The following ENOX1 variants were observed in gnomAD, a reference collection of about 807,000 sequenced individuals.
ENOX1 encodes the protein candidate growth-related and time keeping constitutive hydroquinone (NADH) oxidase.
In ENOX1, 42 loss-of-function variants were observed where a neutral mutation model predicts 82.5. The ratio of observed to expected loss-of-function variants is 0.51; its 90% CI spans 0.40 to 0.66. ENOX1 has a LOEUF of 0.66. ENOX1 is among the 30% of genes least tolerant of loss of function. The pLI is 0.00. For missense variants in ENOX1, 608 were observed against 811.6 expected, an observed-to-expected ratio of 0.75 and a Z score of 3.05; for synonymous variants, 271 against 282.2, an observed-to-expected ratio of 0.96 and a Z score of 0.40.
chr13:43,532,869 A>C (rs2078289874), intron 2 of ENOX1, among the ~76,000 whole-genome samples: 1 of 150,842 alleles, frequency 6.6e-6, no homozygotes, highest in African/African-American at 2.4e-5. Context: ...TTAAATGTGT[A>C]AATATATATA....
At chr13:43,612,891 TAC>T (rs1242469773) in intron 2 of ENOX1, among the ~76,000 whole-genome samples, 1 of 152,170 alleles carries the variant, frequency 6.6e-6, no homozygotes. Context: ...ATGTATTTGA[TAC>T]ACAGTTGCAA....
chr13:43,297,511 T>C (rs1299721305), intron 12 of ENOX1, among the ~76,000 whole-genome samples: 5 of 152,236 alleles, frequency 3.3e-5, no homozygotes, highest in Admixed American at 2.6e-4. Flanking sequence ...TGCTCTGTTA[T>C]TCTAAGGTAA....
chr13:43,617,069 T>C (rs969549868), intron 2 of ENOX1, among the ~76,000 whole-genome samples: 2 of 152,178 alleles, frequency 1.3e-5, no homozygotes, highest in Admixed American at 6.6e-5. Context: ...TATGAACATA[T>C]ACATAACTGT....
At chr13:43,450,967 A>G (rs1033308075) in intron 3 of ENOX1, among the ~76,000 whole-genome samples, 1 of 152,188 alleles carries the variant, frequency 6.6e-6, no homozygotes, top group African/African-American at 2.4e-5. Flanking sequence ...AGCTTCTGAA[A>G]CTTCACTGTC....
chr13:43,277,006 GC>G (rs911658989), intron 12 of ENOX1, among the ~76,000 whole-genome samples: 2 of 152,128 alleles, frequency 1.3e-5, no homozygotes, highest in South Asian at 2.1e-4. Context: ...TAACCCTGGT[GC>G]CCCCCTCCCT....
intron 2 of ENOX1, among the ~76,000 whole-genome samples, chr13:43,537,020 T>C (rs1302906223): frequency 2.6e-5 from 4 of 152,148 alleles, no homozygotes; most frequent in African/African-American, 9.7e-5. Context: ...AAAAATGAAG[T>C]AATGGTGAAA....
chr13:43,539,920 A>AT lies in ENOX1; in HGVS notation c.-218-55769dup, dbSNP rs971410852. On this transcript the variant is annotated intron_variant, in intron 2 of 16. Transcript: ENST00000690772. ...TAAAATATCCTCTTTGTATCTAGTA[A>AT]TTTTTTTTTATTTAAGGTCTTATTA... Among the ~76,000 whole-genome samples the AT allele has an allele frequency of 3.2e-3, 479 of 151,670 alleles. 1 individual carries two copies. Among genetic ancestry groups the AT allele is most frequent in the African/African-American group, 0.01 (424 of 41,352 alleles).
chr13:43,238,093 G>A (rs2042637710), intron 14 of ENOX1, among the ~76,000 whole-genome samples: 1 of 152,218 alleles, frequency 6.6e-6, no homozygotes, highest in African/African-American at 2.4e-5. Flanking sequence ...GAAGAACTTG[G>A]TTGGCTAGAG....
At chr13:43,649,373 C>A (rs1027412) in intron 2 of ENOX1, among the ~76,000 whole-genome samples, 1 of 152,214 alleles carries the variant, frequency 6.6e-6, no homozygotes, top group African/African-American at 2.4e-5. Context: ...GTTTGTTCTA[C>A]AGATGCCTTA....
At chr13:43,398,246 T>A (rs991229772) in intron 5 of ENOX1, among the ~76,000 whole-genome samples, 2 of 152,246 alleles carry the variant, frequency 1.3e-5, no homozygotes, top group African/African-American at 4.8e-5. Context: ...TTAGGTACTT[T>A]ACAGCTCAGC....
chr13:43,704,524 A>C (rs1425725795), intron 1 of ENOX1, among the ~76,000 whole-genome samples: 1 of 152,162 alleles, frequency 6.6e-6, no homozygotes, highest in Non-Finnish European at 1.5e-5. Flanking sequence ...CCTTAGGACA[A>C]GATAGGTGGA....
intron 2 of ENOX1, among the ~76,000 whole-genome samples, chr13:43,573,097 T>C (rs1366936709): frequency 6.6e-6 from 1 of 152,212 alleles, no homozygotes; most frequent in Non-Finnish European, 1.5e-5. Context: ...CATTAACTGC[T>C]ACTAGTGTTC....
chr13:43,735,491 G>A (rs759805714), intron 1 of ENOX1, among the ~76,000 whole-genome samples: 11 of 152,088 alleles, frequency 7.2e-5, no homozygotes, highest in Non-Finnish European at 1.2e-4. Flanking sequence ...AGGCCGAGGC[G>A]GGTGGATTGC....
intron 3 of ENOX1, among the ~76,000 whole-genome samples, chr13:43,456,968 T>A (rs1279798981): frequency 2.3e-5 from 2 of 85,466 alleles, no homozygotes; most frequent in African/African-American, 8.6e-5. Context: ...ATATCTCACA[T>A]TCAGTAGCCT....
At chr13:43,348,562 A>G (rs1210728650) in intron 8 of ENOX1, among the ~76,000 whole-genome samples, 1 of 152,236 alleles carries the variant, frequency 6.6e-6, no homozygotes, top group African/African-American at 2.4e-5. Flanking sequence ...TACATTTTAA[A>G]TTGCACACTG....
At chr13:43,226,466 A>G (rs1178544176) in intron 15 of ENOX1, among the ~76,000 whole-genome samples, 9 of 152,342 alleles carry the variant, frequency 5.9e-5, no homozygotes, top group Middle Eastern at 3.4e-3. Context: ...TCTGAAGTAT[A>G]CAGTAAATTA....
At chr13:43,506,226 C>T (rs562281254) in intron 2 of ENOX1, among the ~76,000 whole-genome samples, 1 of 151,824 alleles carries the variant, frequency 6.6e-6, no homozygotes, top group Non-Finnish European at 1.5e-5. Flanking sequence ...CCAAAAAACA[C>T]CTGAAAAAAT....
At chr13:43,732,614 C>T (rs1260594555) in intron 1 of ENOX1, among the ~76,000 whole-genome samples, 1 of 152,114 alleles carries the variant, frequency 6.6e-6, no homozygotes, top group East Asian at 1.9e-4. Flanking sequence ...AAACAGTACC[C>T]TAAAGAAAAA....
chr13:43,623,440 C>T (rs1389321698), intron 2 of ENOX1, among the ~76,000 whole-genome samples: 1 of 152,184 alleles, frequency 6.6e-6, no homozygotes, highest in East Asian at 1.9e-4. Flanking sequence ...GTTTCCTCTA[C>T]TCCTGTATTT....
Sources: allele counts gnomAD v4.1 joint callset (sites outside exome capture counted in the v4.1 genomes callset), GRCh38; gene constraint gnomAD v4.1.1; transcripts MANE v1.5; gene names NCBI Gene and HGNC (gene_info 2026-07-23, HGNC 2026-07-21).